The following NAP1L1 variants were observed in gnomAD, a reference collection of about 807,000 sequenced individuals.
NAP1L1 encodes the protein nucleosome assembly protein 1-like 1.
A neutral mutation model predicts 58.9 loss-of-function variants in NAP1L1; 9 were observed. The ratio of observed to expected loss-of-function variants is 0.15; its 90% CI spans 0.09 to 0.27. The LOEUF (loss-of-function observed/expected upper bound fraction) is 0.27. Among genes scored for constraint, NAP1L1 ranks in the 10% least tolerant of loss-of-function variants. The pLI, the probability that NAP1L1 is intolerant of heterozygous loss-of-function variation, is 1.00. For synonymous variants in NAP1L1, 130 were observed against 138.3 expected, an observed-to-expected ratio of 0.94 and a Z score of 0.42; for missense variants, 302 against 458.8, an observed-to-expected ratio of 0.66 and a Z score of 3.12.
At chr12:76,048,495 C>T (rs775272009) in intron 14 of NAP1L1, 31 bp from the exon 15 acceptor site, 2 of 1,611,340 alleles carry the variant, frequency 1.2e-6, no homozygotes, top group Admixed American at 3.3e-5. Flanking sequence ...GTCAATCTAT[C>T]TTCTTCTACC....
rs1427611680 is a variant in NAP1L1, at chr12:76,067,300, T to C, written c.206+71A>G. On this transcript the variant is annotated intron_variant, in intron 4 of 14. Transcript: ENST00000618691. Reference sequence around the variant, plus strand: ...CACTATTGCATATCTAAATCCTAGATGGTCTTAAAAATAGATACGCCTGCA... The same window carrying C: ...CACTATTGCATATCTAAATCCTAGACGGTCTTAAAAATAGATACGCCTGCA... 6.2e-6 allele frequency: 7 copies of C among 1,128,710 alleles called. No individual in the cohort carries two copies. The Admixed American group carries it at 9.3e-5, about 15-fold the overall frequency. 69.9% of individuals were successfully genotyped at this position (1,128,710 alleles called of 1,614,324 possible). A position where few individuals can be genotyped will look rare whatever the true frequency, so the allele number is the denominator to read the frequency against.
intron 8 of NAP1L1, 34 bp downstream of exon 8, chr12:76,054,985 T>G: frequency 6.7e-7 from 1 of 1,496,990 alleles, no homozygotes; most frequent in South Asian, 1.2e-5. Flanking sequence ...TGTAAGCATG[T>G]TACAAAATTA....
At chr12:76,052,620 C>CTT in intron 11 of NAP1L1, among the ~76,000 whole-genome samples, 1 of 152,262 alleles carries the variant, frequency 6.6e-6, no homozygotes, top group South Asian at 2.1e-4. Flanking sequence ...TATAGACTTT[C>CTT]TTTAAGGTTG....
intron 5 of NAP1L1, 41 bp from the exon 6 acceptor site, chr12:76,059,919 G>A (rs752303344): frequency 6.9e-7 from 1 of 1,454,978 alleles, no homozygotes; most frequent in African/African-American, 1.4e-5. Context: ...AAAAACACTG[G>A]CATCCAAGCT....
chr12:76,052,406 A>C (rs1047158821), intron 11 of NAP1L1, among the ~76,000 whole-genome samples: 1 of 152,188 alleles, frequency 6.6e-6, no homozygotes, highest in African/African-American at 2.4e-5. Context: ...TTGTCCTATA[A>C]GCCAAGCCAG....
intron 4 of NAP1L1, among the ~76,000 whole-genome samples, chr12:76,066,721 G>A (rs1337947158): frequency 1.3e-5 from 2 of 152,066 alleles, no homozygotes; most frequent in African/African-American, 2.4e-5. Context: ...AGTATTTCTG[G>A]AAATCATGCT....
chr12:76,076,011 A>T (rs1485675211), intron 1 of NAP1L1, among the ~76,000 whole-genome samples: 1 of 152,102 alleles, frequency 6.6e-6, no homozygotes, highest in Non-Finnish European at 1.5e-5. Flanking sequence ...AAAACATAAA[A>T]ATTAAAAAAA....
intron 4 of NAP1L1, among the ~76,000 whole-genome samples, chr12:76,066,074 C>T (rs1360145957): frequency 2.1e-5 from 3 of 146,020 alleles, no homozygotes; most frequent in African/African-American, 7.5e-5. Flanking sequence ...AAAAAACTAG[C>T]TCATGTCACT....
At chr12:76,069,075 C>A in intron 2 of NAP1L1, 81 bp from the exon 3 acceptor site, 2 of 963,974 alleles carry the variant, frequency 2.1e-6, no homozygotes, top group South Asian at 1.5e-5. Flanking sequence ...AATTCATTTT[C>A]AAAATTAGTA....
At chr12:76,079,096 T>C (rs1272544667) in intron 1 of NAP1L1, among the ~76,000 whole-genome samples, 3 of 151,680 alleles carry the variant, frequency 2.0e-5, no homozygotes, top group African/African-American at 7.3e-5. Context: ...ACAAAAAAGG[T>C]AGATTAACTT....
At chr12:76,057,386 T>C (rs1447657218) in intron 6 of NAP1L1, 8 of 436,964 alleles carry the variant, frequency 1.8e-5, no homozygotes, top group Non-Finnish European at 2.5e-5. Flanking sequence ...TTATCATTCT[T>C]ACAAAAAGGA....
chr12:76,053,009 T>C (rs2136971720), intron 11 of NAP1L1, 82 bp downstream of exon 11: 1 of 1,348,974 alleles, frequency 7.4e-7, no homozygotes, highest in Non-Finnish European at 1.0e-6. Flanking sequence ...GTAACAACCA[T>C]CCCACTCTCC....
chr12:76,073,417 A>G (rs189102391), intron 2 of NAP1L1, among the ~76,000 whole-genome samples: 6 of 152,242 alleles, frequency 3.9e-5, no homozygotes, highest in Admixed American at 3.9e-4. Flanking sequence ...ATCCATCCAC[A>G]TTAGAATCCT....
Position 76,046,952 on chromosome 12 carries a change from C to T in NAP1L1, c.*1477G>A, listed in dbSNP as rs551344807. On this transcript the variant is annotated 3_prime_UTR_variant, in exon 15 of 15. Transcript: ENST00000618691. The stretch of plus-strand genomic sequence containing the variant: ...TTTACAATACAGTCATCAAAAATAT[C>T]TGAAAACAAATCTTGGACCTTGTGA... The T allele has an allele frequency of 3.3e-5, 5 of 152,508 alleles. No homozygotes were observed. Among genetic ancestry groups the T allele is most frequent in the Non-Finnish European group, 7.4e-5 (5 of 67,924 alleles). The allele number at this position is 152,508 out of a possible 1,614,324, so 9.4% of individuals were successfully genotyped here. A position where few individuals can be genotyped will look rare whatever the true frequency, so the allele number is the denominator to read the frequency against.
intron 11 of NAP1L1, among the ~76,000 whole-genome samples, chr12:76,051,768 A>G (rs1272140427): frequency 6.6e-6 from 1 of 152,178 alleles, no homozygotes; most frequent in African/African-American, 2.4e-5. Flanking sequence ...TAATCCCAGG[A>G]CTTTGGGAGG....
Position 76,044,646 on chromosome 12 carries a change from A to G in NAP1L1, c.*3783T>C, listed in dbSNP as rs1006833605. 1.3e-5 allele frequency: 2 copies of G among 152,212 alleles called. No individual in the cohort carries two copies. Among genetic ancestry groups the G allele is most frequent in the South Asian group, 2.1e-4 (1 of 4,836 alleles). 9.4% of individuals were successfully genotyped at this position (152,212 alleles called of 1,614,324 possible). ...AGCTGAAGTCTTAAGTCAAACCATT[A>G]TAAGTCAGGGACTGTCTGTACTAAG... On this transcript the variant is annotated 3_prime_UTR_variant, in exon 15 of 15. Transcript: ENST00000618691.
chr12:76,074,506 A>G (rs1343022705), intron 1 of NAP1L1: 1 of 219,540 alleles, frequency 4.6e-6, no homozygotes, highest in African/African-American at 2.3e-5. Flanking sequence ...AAAGACTATG[A>G]TAATAGCACC....
At chr12:76,057,550 G>A (rs745929920) in intron 6 of NAP1L1, 28 of 833,124 alleles carry the variant, frequency 3.4e-5, no homozygotes, top group Non-Finnish European at 4.7e-5. Context: ...GGCTGCTGAC[G>A]TTTCCGATTC....
chr12:76,060,273 A>T lies in NAP1L1; in HGVS notation c.213T>A (p.Pro71=). 1 of 1,613,670 alleles carries T rather than the reference A, an allele frequency of 6.2e-7. No individual in the cohort carries two copies. The change falls in exon 5 of 15, where the codon CCT becomes CCA. Residue 71 remains proline (P), a synonymous_variant. Coordinates refer to ENST00000618691, the MANE Select transcript of NAP1L1 (RefSeq NM_004537.7). ...ETPTGYIESL[P]RVVKRRVNAL... is the part of the protein sequence containing the mutation. ...CATTCACTCGTCTTTTAACTACCCTAGGCAGGCTGAAAGGTTAGAAATCAG... is the reference window on the plus strand; with the variant it reads ...CATTCACTCGTCTTTTAACTACCCTTGGCAGGCTGAAAGGTTAGAAATCAG...
Sources: gnomAD v4.1 joint callset for allele counts (sites outside exome capture counted in the v4.1 genomes callset) on GRCh38, gnomAD v4.1.1 for gene constraint, MANE v1.5 for transcripts, NCBI Gene and HGNC (gene_info 2026-07-23, HGNC 2026-07-21) for gene names.